The following ZNF292 variants were observed in gnomAD, a reference collection of about 807,000 sequenced individuals.
ZNF292 encodes zinc finger protein 292.
Under a neutral mutation model 217.9 loss-of-function variants are expected in ZNF292, and 26 were observed. The observed-to-expected ratio is 0.12, with a 90% CI of 0.09 to 0.17. ZNF292 has a LOEUF of 0.17. Among genes scored for constraint, ZNF292 ranks in the 10% least tolerant of loss-of-function variants. The probability of loss-of-function intolerance (pLI) is 1.00; values close to 1 mark genes in which losing one functional copy is unlikely to be tolerated. For missense variants in ZNF292, 2,904 were observed against 3,175.2 expected (o/e 0.91, Z 2.05); for synonymous variants, 1,257 against 1,124.1 (o/e 1.12, Z -2.37).
chr6:87,161,144 G>T (rs2127768775), intron 1 of ZNF292, among the ~76,000 whole-genome samples: 1 of 152,206 alleles, frequency 6.6e-6, no homozygotes, highest in African/African-American at 2.4e-5. Flanking sequence ...ACAAGCAATT[G>T]CATAAACAGT....
intron 1 of ZNF292, chr6:87,169,721 A>G (rs1336354992): frequency 2.3e-6 from 1 of 443,606 alleles, no homozygotes; most frequent in South Asian, 1.6e-5. Context: ...ATCAGAGCTC[A>G]CTTCAGCGTC....
At chr6:87,233,190 A>T in intron 4 of ZNF292, 135 bp from the exon 5 acceptor site, 2 of 634,074 alleles carry the variant, frequency 3.2e-6, no homozygotes, top group African/African-American at 1.8e-5. Flanking sequence ...CTTTTGTGAT[A>T]GCCTTACTAG....
chr6:87,249,059 A>C (rs555228774), intron 7 of ZNF292, among the ~76,000 whole-genome samples: 19 of 152,352 alleles, frequency 1.2e-4, no homozygotes, highest in Non-Finnish European at 2.2e-4. Context: ...GTATATAAAA[A>C]AGCAGTTAAA....
At chr6:87,181,659 T>A (rs1424839535) in intron 1 of ZNF292, among the ~76,000 whole-genome samples, 2 of 151,996 alleles carry the variant, frequency 1.3e-5, no homozygotes, top group African/African-American at 4.8e-5. Context: ...CTTTGCCTGT[T>A]CAAGTTAGGG....
intron 4 of ZNF292, among the ~76,000 whole-genome samples, chr6:87,221,402 A>G (rs79818152): frequency 6.6e-6 from 1 of 152,338 alleles, no homozygotes; most frequent in East Asian, 1.9e-4. Context: ...AAACATCACT[A>G]ATAAATTAGC....
intron 1 of ZNF292, among the ~76,000 whole-genome samples, chr6:87,203,861 A>C (rs1772166896): frequency 6.6e-6 from 1 of 152,076 alleles, no homozygotes; most frequent in Non-Finnish European, 1.5e-5. Context: ...AGTATGTGAG[A>C]GCCTAAGCAG....
rs759182163 is a variant in ZNF292, at chr6:87,257,983, T to G, written c.4354T>G (p.Ser1452Ala). Residue 1452 changes from serine (S) to alanine (A), a missense_variant, in exon 8 of 8, where the codon TCA becomes GCA. By Grantham distance (99) the Ser-to-Ala change is moderately conservative. Transcript: ENST00000369577. ...TCCAGAAGCATGTTTTAAAGATCCA[T>G]CATTTCTACAGCTTCTTGCTGAAAA... is the stretch of plus-strand genomic sequence containing the variant. The part of the protein sequence containing the change: ...FNPEACFKDP[S>A]FLQLLAENRS... The G allele has an allele frequency of 5.0e-6, 8 of 1,613,940 alleles. No homozygotes were observed. The highest frequency in any genetic ancestry group is 6.8e-6 in the Non-Finnish European group (8 of 1,179,816).
intron 4 of ZNF292, among the ~76,000 whole-genome samples, chr6:87,224,109 A>G (rs570034636): frequency 1.3e-5 from 2 of 152,150 alleles, no homozygotes; most frequent in African/African-American, 4.8e-5. Flanking sequence ...ATCCTAGTAT[A>G]CCCCTATAGG....
At chr6:87,188,572 A>G (rs768733336) in intron 1 of ZNF292, among the ~76,000 whole-genome samples, 3 of 152,270 alleles carry the variant, frequency 2.0e-5, no homozygotes, top group Non-Finnish European at 4.4e-5. Context: ...AGCAAATCAG[A>G]TAACACTAAT....
At chr6:87,177,007 A>C (rs7757827) in intron 1 of ZNF292, among the ~76,000 whole-genome samples, 95,774 of 151,356 alleles carry the variant, frequency 0.63, 31,931 homozygotes, top group African/African-American at 0.85. Context: ...CCGGCCCCCC[A>C]CTCCTCCCCA....
chr6:87,155,598 G>A lies in ZNF292; in HGVS notation c.7G>A (p.Asp3Asn). The change falls in exon 1 of 8, where the codon GAC becomes AAC. Residue 3 changes from aspartate to asparagine, a missense_variant. By Grantham distance (23) the Asp-to-Asn change is conservative. Transcript: ENST00000369577. ...GACGGAGCGGGGTGTGAAGATGGCG[G>A]ACGAAGAGGCCGAGCAGGAGAGGTT... MA[D>N]EEAEQERLSC... 6.3e-7 allele frequency: 1 copy of A among 1,579,628 alleles called. No homozygotes were observed. Among genetic ancestry groups the A allele is most frequent in the Non-Finnish European group, 8.6e-7 (1 of 1,163,744 alleles).
At chr6:87,163,718 T>A (rs542805554) in intron 1 of ZNF292, among the ~76,000 whole-genome samples, 64 of 152,136 alleles carry the variant, frequency 4.2e-4, no homozygotes, top group Admixed American at 1.4e-3. Flanking sequence ...AGCTGAAAAT[T>A]GAGCAGGAAA....
At position 87,252,140 on chromosome 6, in the gene ZNF292, G is replaced by GTT. The variant is rs11385021; in HGVS notation, c.1021-2501_1021-2500dup. On this transcript the variant is annotated intron_variant, in intron 7 of 7. Coordinates refer to ENST00000369577, the MANE Select transcript of ZNF292 (RefSeq NM_015021.3). Reference sequence around the variant, plus strand: ...TCTGAATCCTTTCTGTTTGTTGTTTGTTTTTTTTTTGTTTTTTGTGTTTTT... The same window carrying GTT: ...TCTGAATCCTTTCTGTTTGTTGTTTGTTTTTTTTTTTTGTTTTTTGTGTTTTT... 2.4e-3 allele frequency among the ~76,000 whole-genome samples: 355 copies of GTT among 147,610 alleles called. 1 individual carries two copies. Among genetic ancestry groups the GTT allele is most frequent in the Middle Eastern group, 7.1e-3 (2 of 282 alleles).
In ZNF292 at chr6:87,260,885, A is replaced by G. The variant is rs780792425; in HGVS notation, c.7256A>G (p.Gln2419Arg). 1 of 1,610,518 alleles carries G rather than the reference A, an allele frequency of 6.2e-7. No homozygotes were observed. The highest frequency in any genetic ancestry group is 1.7e-5 in the Admixed American group (1 of 59,392). Residue 2419 changes from glutamine to arginine, a missense_variant, in exon 8 of 8, where the codon CAA becomes CGA. Physicochemically the swap from Gln to Arg is conservative, Grantham distance 43 (BLOSUM62 1). This residue lies in a region of ZNF292 where 380 missense variants were observed against 355.3 expected (regional missense o/e 1.07). Transcript: ENST00000369577. ...CHKLSKAFTS[Q>R]HRNLLIVFKR... Reference sequence around the variant, plus strand: ...AAATTATCTAAGGCATTTACATCACAACACCGAAATCTTCTTATTGTATTC... The same window carrying G: ...AAATTATCTAAGGCATTTACATCACGACACCGAAATCTTCTTATTGTATTC...
chr6:87,210,470 C>T (rs757879124), intron 1 of ZNF292, among the ~76,000 whole-genome samples: 3 of 151,758 alleles, frequency 2.0e-5, no homozygotes, highest in African/African-American at 7.3e-5. Flanking sequence ...AGAACACACA[C>T]TATAGAGCAG....
At chr6:87,233,655 G>T in intron 5 of ZNF292, 128 bp downstream of exon 5, 1 of 1,429,658 alleles carries the variant, frequency 7.0e-7, no homozygotes. Context: ...TTTTTGGTAT[G>T]TTCTTGAGTG....
intron 5 of ZNF292, among the ~76,000 whole-genome samples, chr6:87,236,827 G>C (rs1773928620): frequency 6.6e-6 from 1 of 152,054 alleles, no homozygotes; most frequent in Non-Finnish European, 1.5e-5. Context: ...ATTTCATATA[G>C]ATCAACCTTA....
chr6:87,192,401 G>A (rs1443234313), intron 1 of ZNF292, among the ~76,000 whole-genome samples: 2 of 151,196 alleles, frequency 1.3e-5, no homozygotes, highest in Non-Finnish European at 2.9e-5. Context: ...TAACTTTTTT[G>A]GTAAGTTTCT....
chr6:87,162,171 G>A (rs560694486), intron 1 of ZNF292, among the ~76,000 whole-genome samples: 2 of 152,268 alleles, frequency 1.3e-5, no homozygotes, highest in African/African-American at 4.8e-5. Flanking sequence ...TTCCTGAGGA[G>A]GTACTATTTG....
Sources: gnomAD v4.1 joint callset for allele counts (sites outside exome capture counted in the v4.1 genomes callset) on GRCh38, gnomAD v4.1.1 for gene constraint, gnomAD v4.1.1 regional missense constraint, MANE v1.5 for transcripts, NCBI Gene and HGNC (gene_info 2026-07-23, HGNC 2026-07-21) for gene names.